MSR1: variants seen among roughly 807,000 people sequenced by gnomAD.
The protein encoded by MSR1 is macrophage scavenger receptor types I and II.
In MSR1, 53 loss-of-function variants were observed where a neutral mutation model predicts 47.2. That is an observed-to-expected ratio of 1.12 (90% CI 0.90 to 1.41). The LOEUF (loss-of-function observed/expected upper bound fraction) is 1.41. MSR1 is among the 40% of genes most tolerant of loss of function. The pLI is 0.00. For synonymous variants in MSR1, 239 were observed against 185.6 expected (o/e 1.29, Z -2.34); for missense variants, 786 against 546.9 (o/e 1.44, Z -4.36).
At chr8:16,178,674 T>A (rs1042627125) in intron 1 of MSR1, among the ~76,000 whole-genome samples, 8 of 152,156 alleles carry the variant, frequency 5.3e-5, no homozygotes, top group Admixed American at 1.3e-4. Flanking sequence ...CCTGAGGAAT[T>A]GCCACACTGA....
intron 7 of MSR1, among the ~76,000 whole-genome samples, chr8:16,147,823 G>A (rs992839949): frequency 4.6e-5 from 7 of 152,148 alleles, no homozygotes; most frequent in East Asian, 1.9e-4. Context: ...TACCTCTGCC[G>A]TTGTTTTTCT....
At chr8:16,150,866 A>ACACG (rs1029033022) in intron 6 of MSR1, among the ~76,000 whole-genome samples, 7 of 151,348 alleles carry the variant, frequency 4.6e-5, no homozygotes, top group Non-Finnish European at 8.8e-5. Flanking sequence ...ACACACACAC[A>ACACG]CACACACACA....
At chr8:16,119,527 T>C (rs967303006) in intron 9 of MSR1, among the ~76,000 whole-genome samples, 1 of 151,996 alleles carries the variant, frequency 6.6e-6, no homozygotes, top group Non-Finnish European at 1.5e-5. Context: ...ATGCCCAGCC[T>C]AATATGAAAA....
chr8:16,192,240 A>C (rs187212656), intron 1 of MSR1, among the ~76,000 whole-genome samples: 1 of 152,308 alleles, frequency 6.6e-6, no homozygotes, highest in East Asian at 1.9e-4. Context: ...GAATAGGTGA[A>C]ATATGTCAAA....
chr8:16,111,134 A>G (rs1340494059), intron 9 of MSR1, among the ~76,000 whole-genome samples: 3 of 152,082 alleles, frequency 2.0e-5, no homozygotes, highest in Non-Finnish European at 2.9e-5. Context: ...ACGTATTTGT[A>G]TATCTGTGTT....
At chr8:16,120,861 G>A (rs888037455) in intron 8 of MSR1, 11 of 502,676 alleles carry the variant, frequency 2.2e-5, no homozygotes, top group African/African-American at 2.1e-4. Context: ...TATATACGAG[G>A]ACACGTCACA....
rs548124939 is a variant in MSR1 at position 16,133,365 on chromosome 8, G to A, written c.1033+10193C>T. On this transcript the variant is annotated intron_variant, in intron 8 of 9. Transcript: ENST00000262101. ...AGTGGGAAGCTAAAAGAAGTCAGAA[G>A]GAGCCAAATGAAGATTGTAAGGTAG... Among the ~76,000 whole-genome samples the A allele has an allele frequency of 4.6e-5, 7 of 152,202 alleles. No homozygotes were observed. In the South Asian group the frequency reaches 1.5e-3, roughly 32 times the overall value.
intron 9 of MSR1, among the ~76,000 whole-genome samples, chr8:16,119,181 A>T (rs903516881): frequency 2.0e-5 from 3 of 152,042 alleles, no homozygotes; most frequent in African/African-American, 7.2e-5. Flanking sequence ...GGACCTAAAG[A>T]CTCTAGAACC....
At chr8:16,170,720 C>G (rs964806902) in intron 3 of MSR1, among the ~76,000 whole-genome samples, 16 of 152,098 alleles carry the variant, frequency 1.1e-4, no homozygotes, top group African/African-American at 3.9e-4. Flanking sequence ...GGATTTTGTT[C>G]AATAACTAAC....
chr8:16,183,039 T>C (rs1009876508), intron 1 of MSR1, among the ~76,000 whole-genome samples: 4 of 152,138 alleles, frequency 2.6e-5, no homozygotes, highest in African/African-American at 4.8e-5. Flanking sequence ...CAATAGGTGA[T>C]AGAATTTTTC....
intron 9 of MSR1, among the ~76,000 whole-genome samples, 192 bp from the exon 10 acceptor site, chr8:16,110,410 T>C (rs576316988): frequency 1.3e-5 from 2 of 152,276 alleles, no homozygotes; most frequent in East Asian, 1.9e-4. Flanking sequence ...TCTGTTAACA[T>C]GTAAACTACT....
At chr8:16,110,496 T>C (rs1799733424) in intron 9 of MSR1, among the ~76,000 whole-genome samples, 10 of 152,120 alleles carry the variant, frequency 6.6e-5, no homozygotes, top group Admixed American at 6.6e-4. Context: ...AATGTTTTTT[T>C]AAGGATTTGA....
At chr8:16,147,961 C>T (rs1056236482) in intron 7 of MSR1, among the ~76,000 whole-genome samples, 6 of 152,154 alleles carry the variant, frequency 3.9e-5, no homozygotes, top group Non-Finnish European at 5.9e-5. Context: ...CAATCCCAGA[C>T]CTACTGCATC....
At chr8:16,186,026 T>A in intron 1 of MSR1, 1 of 754,180 alleles carries the variant, frequency 1.3e-6, no homozygotes, top group Non-Finnish European at 2.1e-6. Flanking sequence ...AAGAAATCCA[T>A]AACCTGCCAC....
chr8:16,175,998 A>C (rs1434585983), intron 2 of MSR1, among the ~76,000 whole-genome samples: 1 of 152,184 alleles, frequency 6.6e-6, no homozygotes, highest in Non-Finnish European at 1.5e-5. Context: ...TAGTAGAGAC[A>C]AATCAATATA....
chr8:16,175,510 C>A (rs565164634), intron 2 of MSR1, among the ~76,000 whole-genome samples: 160 of 152,256 alleles, frequency 1.1e-3, no homozygotes, highest in African/African-American at 3.5e-3. Context: ...ACTGACTTAT[C>A]CACTCACTAA....
At chr8:16,118,875 C>T (rs1463171785) in intron 9 of MSR1, among the ~76,000 whole-genome samples, 1 of 152,102 alleles carries the variant, frequency 6.6e-6, no homozygotes, top group Non-Finnish European at 1.5e-5. Flanking sequence ...TAGCTGTTGA[C>T]CTTGAGAATA....
At chr8:16,132,414 TA>T (rs1800282109) in intron 8 of MSR1, among the ~76,000 whole-genome samples, 2 of 152,148 alleles carry the variant, frequency 1.3e-5, no homozygotes, top group Admixed American at 1.3e-4. Flanking sequence ...TTTCTAGATA[TA>T]GAATCATGTT....
chr8:16,125,462 A>T (rs1401437863), intron 8 of MSR1, among the ~76,000 whole-genome samples: 1 of 152,144 alleles, frequency 6.6e-6, no homozygotes, highest in African/African-American at 2.4e-5. Context: ...AAATGATTTG[A>T]CATATCTCTG....
Sources: allele counts gnomAD v4.1 joint callset (sites outside exome capture counted in the v4.1 genomes callset), GRCh38; gene constraint gnomAD v4.1.1; transcripts MANE v1.5; gene names NCBI Gene and HGNC (gene_info 2026-07-23, HGNC 2026-07-21).